Variants in CACNA1A observed in about 807,000 individuals in gnomAD.
CACNA1A encodes the protein calcium voltage-gated channel subunit alpha1 A, also known as voltage-dependent P/Q-type calcium channel subunit alpha-1A.
A neutral mutation model predicts 262.4 loss-of-function variants in CACNA1A; 57 were observed. The ratio of observed to expected loss-of-function variants is 0.22; its 90% CI spans 0.18 to 0.27. The LOEUF (loss-of-function observed/expected upper bound fraction) is 0.27. CACNA1A is among the 10% of genes least tolerant of loss of function. The pLI, the probability that CACNA1A is intolerant of heterozygous loss-of-function variation, is 1.00. For synonymous variants in CACNA1A, 1,431 were observed against 1,419.3 expected, an observed-to-expected ratio of 1.01 and a Z score of -0.18; for missense variants, 2,526 against 3,562.8, an observed-to-expected ratio of 0.71 and a Z score of 7.41.
intron 1 of CACNA1A, among the ~76,000 whole-genome samples, chr19:13,467,415 A>G (rs868082484): frequency 3.2e-4 from 48 of 152,118 alleles, no homozygotes; most frequent in Middle Eastern, 3.4e-3. Context: ...CAGAAGGTCA[A>G]GGCTGCAGTG....
At chr19:13,273,722 G>C (rs542893455) in intron 24 of CACNA1A, 11 of 151,876 alleles carry the variant, frequency 7.2e-5, no homozygotes, top group African/African-American at 2.7e-4. Flanking sequence ...ATTCTAAATA[G>C]CAAATTCATT....
chr19:13,212,506 C>T lies in CACNA1A; in HGVS notation c.6067G>A (p.Gly2023Ser), dbSNP rs574805525. The T allele has an allele frequency of 2.7e-5, 42 of 1,576,262 alleles. No homozygotes were observed. In the Admixed American group the frequency reaches 4.5e-4, roughly 17 times the overall value. ...ACCCAGGACGGGCTCTCCTTGAGGC[C>T]GCTTTCGTGAGCCATCCTGCATGGG... ...PGGALMAHES[G>S]LKESPSWVTQ... Residue 2023 changes from glycine (G) to serine (S), a missense_variant, in exon 42 of 47, where the codon GGC becomes AGC. Gly to Ser is a moderately conservative substitution (Grantham distance 56). Transcript: ENST00000360228. This position sits in a 1 kb window ranked among gnomAD's most constrained non-coding sequence, Gnocchi z 5.6.
rs1361813971 is a variant in CACNA1A, at chr19:13,298,711, C to G, written c.2922G>C (p.Glu974Asp). The G allele has an allele frequency of 6.8e-7, 1 of 1,475,852 alleles. No individual in the cohort carries two copies. Among genetic ancestry groups the G allele is most frequent in the Non-Finnish European group, 9.0e-7 (1 of 1,117,050 alleles). The allele number at this position is 1,475,852 out of a possible 1,614,324, so 91.4% of individuals were successfully genotyped here. A position where few individuals can be genotyped will look rare whatever the true frequency, so the allele number is the denominator to read the frequency against. The change falls in exon 19 of 47, where the codon GAG becomes GAC. Residue 974 changes from glutamate (E) to aspartate (D), a missense_variant. This residue lies in a region of CACNA1A where 765 missense variants were observed against 748.6 expected (regional missense o/e 1.02). Coordinates refer to ENST00000360228, the MANE Select transcript of CACNA1A (RefSeq NM_001127222.2). The part of the protein sequence containing the change: ...PGEEGPEDKA[E>D]RRARHREGSR... ...TGCCCTCGCGGTGCCGCGCCCTCCG[C>G]TCCGCCTTGTCCTCCGGACCCTCCT...
intron 19 of CACNA1A, among the ~76,000 whole-genome samples, chr19:13,289,112 C>A (rs1203751582): frequency 1.3e-5 from 2 of 149,742 alleles, no homozygotes; most frequent in Non-Finnish European, 3.0e-5. Flanking sequence ...AGAAGACAGG[C>A]TGACCTGGGT....
chr19:13,466,984 T>C (rs1331773031), intron 1 of CACNA1A, among the ~76,000 whole-genome samples: 1 of 149,748 alleles, frequency 6.7e-6, no homozygotes. Context: ...TCCTCCTGCC[T>C]CCCCACCTCC....
intron 1 of CACNA1A, among the ~76,000 whole-genome samples, chr19:13,462,083 G>T (rs1009264199): frequency 6.6e-6 from 1 of 152,230 alleles, no homozygotes; most frequent in African/African-American, 2.4e-5. Context: ...TTCAGAACAT[G>T]AAGGAAAATT....
chr19:13,486,536 T>C (rs991097984), intron 1 of CACNA1A, among the ~76,000 whole-genome samples: 1 of 151,402 alleles, frequency 6.6e-6, no homozygotes, highest in Admixed American at 6.6e-5. Flanking sequence ...AAAGATAACA[T>C]AGACACAGGA....
chr19:13,234,707 C>CT, intron 34 of CACNA1A: 1 of 550,290 alleles, frequency 1.8e-6, no homozygotes, highest in Non-Finnish European at 3.3e-6. Context: ...GGCACGCCCC[C>CT]TATCGGAAGA....
At chr19:13,394,356 T>TA (rs1410724091) in intron 3 of CACNA1A, among the ~76,000 whole-genome samples, 1 of 150,628 alleles carries the variant, frequency 6.6e-6, no homozygotes, top group Admixed American at 6.6e-5. Flanking sequence ...AGTCAGAGGG[T>TA]AAAAAGGAAA....
At chr19:13,425,124 A>G (rs2060379735) in intron 3 of CACNA1A, among the ~76,000 whole-genome samples, 1 of 152,086 alleles carries the variant, frequency 6.6e-6, no homozygotes, top group East Asian at 1.9e-4. Context: ...TTTCTAATGC[A>G]GTAAGCTGGG....
At position 13,308,137 on chromosome 19, in the gene CACNA1A, C is replaced by T. The variant is rs775667167; in HGVS notation, c.1896G>A (p.Met632Ile). The change falls in exon 14 of 47, where the codon ATG (methionine) becomes ATA (isoleucine). Residue 632 changes from methionine (M) to isoleucine (I), a missense_variant. Physicochemically the swap from Met to Ile is conservative, Grantham distance 10 (BLOSUM62 1). Coordinates refer to ENST00000360228, the MANE Select transcript of CACNA1A (RefSeq NM_001127222.2). The surrounding 1 kb of genome is among the most constrained non-coding windows in gnomAD (Gnocchi z 4.2). ...LFIVVFALLG[M>I]QLFGGQFNFD... ...GGACTTACTGGCCGCCGAAGAGTTGCATTCCCAAAAGGGCGAAGACGACAA... is the reference window on the plus strand; with the variant it reads ...GGACTTACTGGCCGCCGAAGAGTTGTATTCCCAAAAGGGCGAAGACGACAA... The T allele has an allele frequency of 6.2e-7, 1 of 1,613,966 alleles. No individual in the cohort carries two copies. The highest frequency in any genetic ancestry group is 8.5e-7 in the Non-Finnish European group (1 of 1,179,886).
In CACNA1A at chr19:13,261,431, C is replaced by T. The variant is rs749220248; in HGVS notation, c.4250+19G>A. ...ACCTGCTGGTTCCAATGGGAATGTG[C>T]TGGAAAGTGGAGACCCACCGACAAT... On this transcript the variant is annotated intron_variant, in intron 26 of 46. Transcript: ENST00000360228. 4 of 1,554,512 alleles carry T rather than the reference C, an allele frequency of 2.6e-6. No individual in the cohort carries two copies. The African/African-American group carries it at 4.1e-5, about 16-fold the overall frequency.
intron 6 of CACNA1A, among the ~76,000 whole-genome samples, chr19:13,339,858 T>G (rs1434509542): frequency 1.3e-5 from 2 of 151,938 alleles, no homozygotes; most frequent in African/African-American, 4.8e-5. Context: ...ACAATGAATG[T>G]GCCAGCCACC....
intron 6 of CACNA1A, among the ~76,000 whole-genome samples, chr19:13,342,794 C>T (rs900949544): frequency 6.6e-6 from 1 of 152,200 alleles, no homozygotes; most frequent in Non-Finnish European, 1.5e-5. Flanking sequence ...CCCCTTCTTC[C>T]CCACTGCCAA....
chr19:13,338,007 C>T (rs906834345), intron 6 of CACNA1A, among the ~76,000 whole-genome samples: 1 of 152,176 alleles, frequency 6.6e-6, no homozygotes, highest in African/African-American at 2.4e-5. Context: ...ATCATGAGGT[C>T]AGGAGATCGA....
intron 24 of CACNA1A, chr19:13,275,644 G>A (rs1435345376): frequency 1.1e-5 from 4 of 373,638 alleles, no homozygotes; most frequent in African/African-American, 5.4e-5. Context: ...GTTGGCAGGA[G>A]GGGGGGTCCC....
intron 30 of CACNA1A, chr19:13,245,589 G>A (rs1005130541): frequency 2.2e-5 from 7 of 319,002 alleles, no homozygotes; most frequent in African/African-American, 1.3e-4. Context: ...AGACCCCAGG[G>A]GCTTTATAAA....
intron 12 of CACNA1A, among the ~76,000 whole-genome samples, chr19:13,311,082 T>C (rs890949571): frequency 6.6e-6 from 1 of 152,124 alleles, no homozygotes; most frequent in African/African-American, 2.4e-5. Context: ...TGTGAGCCAC[T>C]GTGCCTGGCC....
At chr19:13,231,348 C>G (rs2055659785) in intron 35 of CACNA1A, among the ~76,000 whole-genome samples, 1 of 152,062 alleles carries the variant, frequency 6.6e-6, no homozygotes, top group Non-Finnish European at 1.5e-5. Context: ...TGGGGGAATT[C>G]TGGCCCCCAC....
Sources: allele counts gnomAD v4.1 joint callset (sites outside exome capture counted in the v4.1 genomes callset), GRCh38; gene constraint gnomAD v4.1.1; regional missense constraint gnomAD v4.1.1; non-coding constraint Gnocchi (gnomAD v3.1); transcripts MANE v1.5; gene names NCBI Gene and HGNC (gene_info 2026-07-23, HGNC 2026-07-21).